Variants in SLC41A3 observed in about 807,000 individuals in gnomAD.
The protein encoded by SLC41A3 is SLC41A1-like 2.
In SLC41A3, 44 loss-of-function variants were observed where a neutral mutation model predicts 45.4. The observed-to-expected ratio is 0.97, with a 90% CI of 0.76 to 1.25. The LOEUF (loss-of-function observed/expected upper bound fraction) is 1.25. Among genes scored for constraint, SLC41A3 ranks in the 50% most tolerant of loss-of-function variants. The pLI, the probability that SLC41A3 is intolerant of heterozygous loss-of-function variation, is 0.00. For synonymous variants in SLC41A3, 256 were observed against 252.4 expected (o/e 1.01, Z -0.13); for missense variants, 550 against 600.6 (o/e 0.92, Z 0.88).
chr3:126,064,049 AG>A (rs1944225170), intron 2 of SLC41A3, among the ~76,000 whole-genome samples: 1 of 150,372 alleles, frequency 6.7e-6, no homozygotes, highest in Non-Finnish European at 1.5e-5. Context: ...CTCCTGGCCA[AG>A]GGTCTGTGCT....
chr3:126,016,293 T>C (rs1017193066), intron 7 of SLC41A3, among the ~76,000 whole-genome samples: 43 of 152,212 alleles, frequency 2.8e-4, no homozygotes, highest in African/African-American at 8.9e-4. Context: ...GTCCCACCAG[T>C]AGCCATGTGT....
At chr3:126,032,564 AG>A (rs1232545959) in intron 4 of SLC41A3, among the ~76,000 whole-genome samples, 1 of 152,184 alleles carries the variant, frequency 6.6e-6, no homozygotes, top group African/African-American at 2.4e-5. Context: ...GACTTGCCTG[AG>A]GCCCCTCAGT....
chr3:126,079,034 T>C (rs546932975), intron 1 of SLC41A3: 28 of 152,328 alleles, frequency 1.8e-4, no homozygotes, highest in African/African-American at 6.0e-4. Flanking sequence ...ACCCGAGCAA[T>C]GCTACAGGCA....
chr3:126,028,410 C>A (rs1002281734), intron 4 of SLC41A3, among the ~76,000 whole-genome samples: 1 of 152,272 alleles, frequency 6.6e-6, no homozygotes. Context: ...AACGCATAAG[C>A]CTTGGTTCCA....
chr3:126,018,168 C>T (rs577903198), intron 6 of SLC41A3, among the ~76,000 whole-genome samples: 1 of 152,230 alleles, frequency 6.6e-6, no homozygotes, highest in African/African-American at 2.4e-5. Flanking sequence ...CTGAGTGCAA[C>T]AGAGAGAAGG....
chr3:126,046,885 C>A, intron 3 of SLC41A3, among the ~76,000 whole-genome samples: 1 of 149,720 alleles, frequency 6.7e-6, no homozygotes. Context: ...TTGTTTGAAT[C>A]TGGGAGGTGG....
chr3:126,088,346 G>C (rs1945433162), upstream of SLC41A3, among the ~76,000 whole-genome samples: 1 of 152,020 alleles, frequency 6.6e-6, no homozygotes, highest in Admixed American at 6.5e-5. Flanking sequence ...ACATGATCTT[G>C]GTAATCTTTG....
chr3:126,029,375 C>A lies in SLC41A3; in HGVS notation c.454-2896G>T, dbSNP rs77238226. 1.7e-3 allele frequency among the ~76,000 whole-genome samples: 261 copies of A among 151,980 alleles called. 3 individuals are homozygous for A. The highest frequency in any genetic ancestry group is 5.8e-3 in the African/African-American group (240 of 41,406). On this transcript the variant is annotated intron_variant, in intron 4 of 10. Transcript: ENST00000360370. ...TAGAAGTATGTGGCACTCCCTCCCC[C>A]ACCACTCTCTTGCTCATTCTCTGGC... is the stretch of plus-strand genomic sequence containing the variant.
intron 3 of SLC41A3, among the ~76,000 whole-genome samples, chr3:126,041,363 T>C (rs1168802188): frequency 2.0e-5 from 3 of 152,128 alleles, no homozygotes; most frequent in East Asian, 1.9e-4. Context: ...AACTCCAAGA[T>C]ACATGCAAGA....
At chr3:126,033,705 T>G in intron 3 of SLC41A3, 27 bp from the exon 4 acceptor site, 1 of 1,604,662 alleles carries the variant, frequency 6.2e-7, no homozygotes, top group Non-Finnish European at 8.5e-7. Context: ...AGGACAAAGG[T>G]AGGACTGGCT....
intron 3 of SLC41A3, among the ~76,000 whole-genome samples, chr3:126,040,074 G>A (rs182055240): frequency 2.0e-5 from 3 of 152,348 alleles, no homozygotes; most frequent in Admixed American, 2.0e-4. Flanking sequence ...CAAAAAGTAA[G>A]GGAGTGCCCA....
rs1054112545 is a variant in SLC41A3 at position 126,018,741 on chromosome 3, C to G, written c.746-1866G>C. On this transcript the variant is annotated intron_variant, in intron 6 of 10. Transcript: ENST00000360370. ...ATCCTGTGAGGACACATCAGTGTGG[C>G]CGACCAGCCTCAGGCCCCACTCAAC... Among the ~76,000 whole-genome samples, 3 of 152,206 alleles carry G rather than the reference C, an allele frequency of 2.0e-5. No individual in the cohort carries two copies. In the East Asian group the frequency reaches 5.8e-4, roughly 29 times the overall value.
rs1939256323 is a variant in SLC41A3 at position 126,007,825 on chromosome 3, G to A, written c.1255-600C>T. 3.9e-5 allele frequency among the ~76,000 whole-genome samples: 6 copies of A among 152,200 alleles called. No homozygotes were observed. In the South Asian group the frequency reaches 1.2e-3, roughly 31 times the overall value. On this transcript the variant is annotated intron_variant, in intron 10 of 10. Coordinates refer to ENST00000360370, the MANE Select transcript of SLC41A3 (RefSeq NM_017836.4). ...AACTCTGGGAGATGAGAAAGTGCCAGTACCAGCACCACACCCATAGAATTG... is the reference window on the plus strand; with the variant it reads ...AACTCTGGGAGATGAGAAAGTGCCAATACCAGCACCACACCCATAGAATTG...
At chr3:126,021,153 CAA>C (rs749852464) in intron 6 of SLC41A3, among the ~76,000 whole-genome samples, 16 of 152,252 alleles carry the variant, frequency 1.1e-4, no homozygotes, top group Admixed American at 3.9e-4. Flanking sequence ...CTTGGCCTCC[CAA>C]AGTGCTGGGA....
intron 2 of SLC41A3, chr3:126,067,472 A>G: frequency 5.8e-6 from 2 of 345,222 alleles, no homozygotes; most frequent in Non-Finnish European, 1.2e-5. Context: ...AGAGACATGC[A>G]GAGGAAAGAT....
chr3:126,046,382 A>ACAC (rs1370929053), intron 3 of SLC41A3, among the ~76,000 whole-genome samples: 14 of 130,652 alleles, frequency 1.1e-4, no homozygotes, highest in Non-Finnish European at 3.4e-5. Flanking sequence ...CACACACACA[A>ACAC]ATTTTTATAA....
rs189809651 is a variant in SLC41A3 at position 126,019,012 on chromosome 3, A to G, written c.746-2137T>C. On this transcript the variant is annotated intron_variant, in intron 6 of 10. Transcript: ENST00000360370. ...AGTGTCTTAGTCAGTTTTGTTGCTT[A>G]TAACAGAACACTCGAAACTGGGTAA... Among the ~76,000 whole-genome samples, 30 of 152,338 alleles carry G rather than the reference A, an allele frequency of 2.0e-4. No individual in the cohort carries two copies. The East Asian group carries it at 2.7e-3, about 14-fold the overall frequency.
In SLC41A3 at chr3:126,067,705, A is replaced by G. The variant is rs1420028492; in HGVS notation, c.273+242T>C. 2.3e-5 allele frequency: 13 copies of G among 567,616 alleles called. No individual in the cohort carries two copies. The Admixed American group carries it at 3.6e-4, about 16-fold the overall frequency. The allele number at this position is 567,616 out of a possible 1,614,324, so 35.2% of individuals were successfully genotyped here. A position where few individuals can be genotyped will look rare whatever the true frequency, so the allele number is the denominator to read the frequency against. On this transcript the variant is annotated intron_variant, in intron 2 of 10. Coordinates refer to ENST00000360370, the MANE Select transcript of SLC41A3 (RefSeq NM_017836.4). ...AAGTACATCAGAAGGGAAATGATTA[A>G]GTAAATTTTGGTCTACATCAATCAT...
chr3:126,084,754 C>A (rs1297166280), upstream of SLC41A3, among the ~76,000 whole-genome samples: 3 of 152,122 alleles, frequency 2.0e-5, no homozygotes, highest in South Asian at 2.1e-4. Flanking sequence ...TAAAATATAT[C>A]ATTATATTTT....
Sources: gnomAD v4.1 joint callset for allele counts (sites outside exome capture counted in the v4.1 genomes callset) on GRCh38, gnomAD v4.1.1 for gene constraint, MANE v1.5 for transcripts, NCBI Gene and HGNC (gene_info 2026-07-23, HGNC 2026-07-21) for gene names.